Variants in TMT1A observed in about 807,000 individuals in gnomAD.
The protein encoded by TMT1A is thiol S-methyltransferase TMT1A.
chr12:50,928,565 T>C, the TMT1A span, among the ~76,000 whole-genome samples: 1 of 152,194 alleles, frequency 6.6e-6, no homozygotes, highest in Non-Finnish European at 1.5e-5. Flanking sequence ...CAAGCCCCTG[T>C]GCAAGTTCCC....
the TMT1A span, chr12:50,930,109 G>T: frequency 1.9e-6 from 3 of 1,613,698 alleles, no homozygotes; most frequent in Non-Finnish European, 2.5e-6. Context: ...ACTGTCCTGG[G>T]AGTTGGTGCG....
At chr12:50,927,223 C>T in the TMT1A span, among the ~76,000 whole-genome samples, 4 of 152,118 alleles carry the variant, frequency 2.6e-5, no homozygotes, top group Non-Finnish European at 4.4e-5. Flanking sequence ...GATGAGGTTT[C>T]GCCATGTTGC....
the TMT1A span, chr12:50,925,505 T>G: frequency 6.2e-7 from 1 of 1,613,908 alleles, no homozygotes; most frequent in Non-Finnish European, 8.5e-7. Flanking sequence ...CAGGAGCGGA[T>G]TCTCCGCGAG....
At chr12:50,930,887 CCT>C in the TMT1A span, 1 of 152,126 alleles carries the variant, frequency 6.6e-6, no homozygotes, top group Non-Finnish European at 1.5e-5. Flanking sequence ...TGGCCTGAAA[CCT>C]TTTTTAGGTA....
the TMT1A span, chr12:50,925,091 C>T: frequency 6.2e-7 from 1 of 1,614,056 alleles, no homozygotes; most frequent in African/African-American, 1.3e-5. Context: ...CTGACATTTC[C>T]CTTGTACCTG....
chr12:50,925,133 G>A, the TMT1A span: 1 of 1,613,998 alleles, frequency 6.2e-7, no homozygotes, highest in Middle Eastern at 1.6e-4. Flanking sequence ...AGCTGGATAT[G>A]CAAAAAATGG....
At chr12:50,929,865 C>A in the TMT1A span, 6 of 1,517,812 alleles carry the variant, frequency 4.0e-6, no homozygotes, top group Non-Finnish European at 4.5e-6. Flanking sequence ...ATTAAAAAAG[C>A]AGAAATGAAA....
At chr12:50,925,182 C>T in the TMT1A span, 14 of 1,614,012 alleles carry the variant, frequency 8.7e-6, no homozygotes, top group Admixed American at 1.5e-4. Flanking sequence ...TGATATACAA[C>T]GAACAGATGG....
At chr12:50,931,645 A>G in the TMT1A span, 5 of 146,728 alleles carry the variant, frequency 3.4e-5, no homozygotes, top group South Asian at 1.1e-3. Flanking sequence ...CAGAAGGCGA[A>G]GGTTGCAGTG....
the TMT1A span, chr12:50,931,780 G>A: frequency 1.3e-5 from 2 of 151,094 alleles, no homozygotes; most frequent in Non-Finnish European, 2.9e-5. Context: ...GCCTAGGCCG[G>A]TCTTGAACTC....
chr12:50,925,067 T>C, the TMT1A span: 6 of 1,614,088 alleles, frequency 3.7e-6, no homozygotes, highest in Non-Finnish European at 5.1e-6. Context: ...ATCCTGAGAC[T>C]GGCCATTTAC....
chr12:50,929,953 T>C, the TMT1A span: 24 of 1,613,852 alleles, frequency 1.5e-5, no homozygotes, highest in Non-Finnish European at 2.0e-5. Context: ...GGCAGCTGAG[T>C]GTTCGACTTG....
chr12:50,925,399 C>A, the TMT1A span: 1 of 1,614,166 alleles, frequency 6.2e-7, no homozygotes, highest in East Asian at 2.2e-5. Flanking sequence ...GCAGTTTGAG[C>A]GCTTTGTGGT....
chr12:50,926,012 A>T, the TMT1A span, among the ~76,000 whole-genome samples: 1 of 111,436 alleles, frequency 9.0e-6, no homozygotes. Flanking sequence ...GTGAAACTCC[A>T]TCTCAAAAAA....
the TMT1A span, among the ~76,000 whole-genome samples, chr12:50,926,739 G>C: frequency 0.47 from 70,667 of 151,518 alleles, 17,566 homozygotes; most frequent in African/African-American, 0.64. Flanking sequence ...GCAGGGAGAG[G>C]AGATACATAT....
the TMT1A span, chr12:50,931,277 C>T: frequency 6.6e-6 from 1 of 151,892 alleles, no homozygotes; most frequent in Non-Finnish European, 1.5e-5. Flanking sequence ...ACTTAAATCA[C>T]TCCAAAGAAG....
chr12:50,929,861 AAAG>A, the TMT1A span: 1 of 1,518,218 alleles, frequency 6.6e-7, no homozygotes, highest in Middle Eastern at 1.8e-4. Flanking sequence ...ATAAATTAAA[AAAG>A]CAGAAATGAA....
the TMT1A span, among the ~76,000 whole-genome samples, chr12:50,926,646 G>T: frequency 6.6e-6 from 1 of 152,168 alleles, no homozygotes; most frequent in Non-Finnish European, 1.5e-5. Flanking sequence ...ATCCCCAAGG[G>T]ATAATGTTTA....
the TMT1A span, among the ~76,000 whole-genome samples, chr12:50,926,963 T>C: frequency 1.3e-5 from 2 of 152,248 alleles, no homozygotes; most frequent in African/African-American, 4.8e-5. Context: ...GTTGAAGATA[T>C]GGATATCTTA....
Sources: allele counts gnomAD v4.1 joint callset (sites outside exome capture counted in the v4.1 genomes callset), GRCh38; gene constraint gnomAD v4.1.1; transcripts MANE v1.5; gene names NCBI Gene and HGNC (gene_info 2026-07-23, HGNC 2026-07-21).